The following AFF1 variants were observed in gnomAD, a reference collection of about 807,000 sequenced individuals.
AFF1 encodes the protein AF4/FMR2 family member 1.
Under a neutral mutation model 121.7 loss-of-function variants are expected in AFF1, and 48 were observed. The observed-to-expected ratio is 0.39, with a 90% confidence interval of 0.31 to 0.50. The LOEUF is 0.50. Ranked by LOEUF, AFF1 falls within the 20% of genes least tolerant of loss-of-function variation. The pLI is 0.76. For synonymous variants in AFF1, 613 were observed against 563.0 expected, an observed-to-expected ratio of 1.09 and a Z score of -1.26; for missense variants, 1,523 against 1,511.7, an observed-to-expected ratio of 1.01 and a Z score of -0.12.
chr4:87,013,113 G>A (rs1161333101), intron 2 of AFF1, among the ~76,000 whole-genome samples: 2 of 141,648 alleles, frequency 1.4e-5, no homozygotes, highest in East Asian at 2.1e-4. Context: ...GTGCGATCTC[G>A]GCTCACAGCA....
chr4:87,076,168 G>A (rs1392043046), intron 4 of AFF1, among the ~76,000 whole-genome samples: 3 of 152,182 alleles, frequency 2.0e-5, no homozygotes, highest in African/African-American at 7.2e-5. Flanking sequence ...CCCCCAATAG[G>A]AGTAGAATTC....
intron 2 of AFF1, among the ~76,000 whole-genome samples, chr4:87,007,587 A>G: frequency 6.6e-6 from 1 of 152,238 alleles, no homozygotes; most frequent in East Asian, 1.9e-4. Flanking sequence ...TCAGATAAAA[A>G]GCAGTTTGGA....
intron 2 of AFF1, among the ~76,000 whole-genome samples, chr4:87,015,173 G>A (rs1296145508): frequency 2.6e-5 from 4 of 152,106 alleles, no homozygotes; most frequent in Admixed American, 2.6e-4. Context: ...ATTTTTTCAG[G>A]TAATTTTGAC....
chr4:87,009,716 A>G (rs1044952895), intron 2 of AFF1, among the ~76,000 whole-genome samples: 1 of 152,240 alleles, frequency 6.6e-6, no homozygotes, highest in African/African-American at 2.4e-5. Flanking sequence ...AAGAGAATAT[A>G]TGGAGAAGAT....
chr4:87,130,731 CAT>C (rs771027943), intron 16 of AFF1, among the ~76,000 whole-genome samples: 12 of 152,326 alleles, frequency 7.9e-5, no homozygotes, highest in East Asian at 5.8e-4. Context: ...TTACTCCAGA[CAT>C]GTGGAATAAT....
At chr4:87,121,462 G>A (rs1727679509) in intron 12 of AFF1, among the ~76,000 whole-genome samples, 1 of 152,188 alleles carries the variant, frequency 6.6e-6, no homozygotes, top group Non-Finnish European at 1.5e-5. Flanking sequence ...GCCCTCAGCT[G>A]TGTCCCTGAG....
chr4:86,937,123 C>T (rs1366250552), intron 1 of AFF1, among the ~76,000 whole-genome samples: 1 of 152,134 alleles, frequency 6.6e-6, no homozygotes, highest in Non-Finnish European at 1.5e-5. Flanking sequence ...GCTGTGAATT[C>T]TTTGCTTTTC....
chr4:87,093,010 A>G (rs1449870153), intron 7 of AFF1, among the ~76,000 whole-genome samples: 1 of 152,170 alleles, frequency 6.6e-6, no homozygotes, highest in Non-Finnish European at 1.5e-5. Flanking sequence ...CATGTCTTTC[A>G]CGGGGTTGCT....
intron 2 of AFF1, among the ~76,000 whole-genome samples, chr4:87,041,706 T>G (rs894444440): frequency 4.6e-5 from 7 of 151,544 alleles, no homozygotes; most frequent in Admixed American, 1.3e-4. Flanking sequence ...ACAGTTAACT[T>G]ATAGTTATTG....
intron 8 of AFF1, among the ~76,000 whole-genome samples, chr4:87,098,062 T>C (rs1172752787): frequency 6.6e-6 from 1 of 152,130 alleles, no homozygotes; most frequent in East Asian, 1.9e-4. Context: ...CCAATCTAGG[T>C]CTTAATGCTT....
At chr4:87,018,486 T>C (rs1474777881) in intron 2 of AFF1, among the ~76,000 whole-genome samples, 1 of 152,168 alleles carries the variant, frequency 6.6e-6, no homozygotes, top group East Asian at 1.9e-4. Flanking sequence ...CCTTCTAGAA[T>C]GTACATGGAA....
intron 2 of AFF1, among the ~76,000 whole-genome samples, chr4:87,001,105 A>G (rs1725679223): frequency 6.6e-6 from 1 of 151,480 alleles, no homozygotes; most frequent in Non-Finnish European, 1.5e-5. Flanking sequence ...CTCCTCCTAC[A>G]GAGAACTGTT....
At chr4:87,022,680 G>A (rs949737143) in intron 2 of AFF1, among the ~76,000 whole-genome samples, 2 of 88,248 alleles carry the variant, frequency 2.3e-5, no homozygotes, top group Non-Finnish European at 4.4e-5. Flanking sequence ...ATATATATGT[G>A]TGTGTATGTA....
intron 2 of AFF1, among the ~76,000 whole-genome samples, chr4:87,021,857 G>A (rs1727930951): frequency 6.6e-6 from 1 of 152,236 alleles, no homozygotes; most frequent in Non-Finnish European, 1.5e-5. Flanking sequence ...TGATTTTTGA[G>A]ATTGTCATTT....
chr4:86,938,449 C>CAAAAAA (rs35867614), intron 1 of AFF1, among the ~76,000 whole-genome samples: 10 of 99,986 alleles, frequency 1.0e-4, no homozygotes, highest in Non-Finnish European at 1.7e-4. Context: ...GACTCCGTCT[C>CAAAAAA]AAAAAAAAAA....
intron 2 of AFF1, among the ~76,000 whole-genome samples, chr4:86,953,977 C>T (rs1721564747): frequency 6.6e-6 from 1 of 152,144 alleles, no homozygotes; most frequent in Non-Finnish European, 1.5e-5. Context: ...TCTCAAAGTG[C>T]TGGGATTACA....
At chr4:87,001,496 G>C (rs1170951710) in intron 2 of AFF1, among the ~76,000 whole-genome samples, 1 of 152,100 alleles carries the variant, frequency 6.6e-6, no homozygotes, top group African/African-American at 2.4e-5. Context: ...GATTACAGGC[G>C]TGAGCCACCG....
intron 12 of AFF1, among the ~76,000 whole-genome samples, chr4:87,123,971 G>A (rs1727968777): frequency 6.6e-6 from 1 of 152,160 alleles, no homozygotes; most frequent in Non-Finnish European, 1.5e-5. Flanking sequence ...ATTAATTGAA[G>A]GGTCTCACCC....
At chr4:86,995,330 C>CCTCTCT (rs1229548577) in intron 2 of AFF1, among the ~76,000 whole-genome samples, 40 of 134,296 alleles carry the variant, frequency 3.0e-4, no homozygotes, top group South Asian at 2.5e-3. Flanking sequence ...TCTCCCTCTC[C>CCTCTCT]CTCTCTTTCC....
Sources: gnomAD v4.1 joint callset for allele counts (sites outside exome capture counted in the v4.1 genomes callset) on GRCh38, gnomAD v4.1.1 for gene constraint, MANE v1.5 for transcripts, NCBI Gene and HGNC (gene_info 2026-07-23, HGNC 2026-07-21) for gene names.